The following HADHA variants were observed in gnomAD, a reference collection of about 807,000 sequenced individuals.
HADHA encodes trifunctional enzyme subunit alpha, mitochondrial.
HADHA carries 59 observed loss-of-function variants against 91.3 expected under a neutral mutation model. The observed-to-expected ratio is 0.65, with a 90% CI of 0.52 to 0.80. The LOEUF (loss-of-function observed/expected upper bound fraction) is 0.80. Ranked by LOEUF, HADHA falls within the 30% of genes least tolerant of loss-of-function variation. The pLI is 0.00. For missense variants in HADHA, 800 were observed against 927.6 expected (o/e 0.86, Z 1.79); for synonymous variants, 320 against 338.9 (o/e 0.94, Z 0.61).
At position 26,236,359 on chromosome 2, in the gene HADHA, G is replaced by GTGTGTGTATATATA. The variant is rs141555532; in HGVS notation, c.314+495_314+496insTATATATACACACA. On this transcript the variant is annotated intron_variant, in intron 4 of 19. Coordinates refer to ENST00000380649, the MANE Select transcript of HADHA (RefSeq NM_000182.5). ...ACATGATGTGTGTGTGTGTGTGTGT[G>GTGTGTGTATATATA]TATATATATATATATATACTCTGTG... is the stretch of plus-strand genomic sequence containing the variant. 3.1e-3 allele frequency among the ~76,000 whole-genome samples: 423 copies of GTGTGTGTATATATA among 137,924 alleles called. 4 individuals carry two copies. Among genetic ancestry groups the GTGTGTGTATATATA allele is most frequent in the African/African-American group, 0.011 (413 of 37,162 alleles). The allele number at this position is 137,924 out of a possible 152,430, so 90.5% of individuals were successfully genotyped here. A position where few individuals can be genotyped will look rare whatever the true frequency, so the allele number is the denominator to read the frequency against.
rs1018095652 is a variant in HADHA, at chr2:26,194,744, A to G, written c.1621-106T>C. On this transcript the variant is annotated intron_variant, in intron 15 of 19. Transcript: ENST00000380649. ...TCAAAGTCATTTGAAAGTCACTGTA[A>G]AACTTAAGGTGACTTAAAATCTCAA... is the stretch of plus-strand genomic sequence containing the variant. 2.6e-5 allele frequency: 21 copies of G among 801,322 alleles called. No homozygotes were observed. The Admixed American group carries it at 3.8e-4, about 15-fold the overall frequency. 49.6% of individuals were successfully genotyped at this position (801,322 alleles called of 1,614,324 possible).
intron 1 of HADHA, among the ~76,000 whole-genome samples, chr2:26,244,122 G>C (rs1465939098): frequency 1.3e-5 from 2 of 152,248 alleles, no homozygotes; most frequent in Non-Finnish European, 2.9e-5. Context: ...TGCGGGGTAA[G>C]GTGCTGTTTT....
intron 7 of HADHA, among the ~76,000 whole-genome samples, chr2:26,227,451 G>A (rs1670511883): frequency 6.6e-6 from 1 of 151,770 alleles, no homozygotes; most frequent in Non-Finnish European, 1.5e-5. Context: ...GGCAGAGGTT[G>A]CAGTGAGCCA....
chr2:26,193,557 G>A lies in HADHA; in HGVS notation c.1885+20C>T. 6.3e-7 allele frequency: 1 copy of A among 1,592,716 alleles called. No individual in the cohort carries two copies. The highest frequency in any genetic ancestry group is 8.6e-7 in the Non-Finnish European group (1 of 1,160,548). Reference sequence around the variant, plus strand: ...CTTTGTAACTAATGGTGCTAGTTATGTTTCCTTGAGGCTACTCACCTAGGA... The same window carrying A: ...CTTTGTAACTAATGGTGCTAGTTATATTTCCTTGAGGCTACTCACCTAGGA... On this transcript the variant is annotated intron_variant, in intron 17 of 19. Transcript: ENST00000380649.
chr2:26,237,071 A>G, intron 3 of HADHA, 83 bp from the exon 4 acceptor site: 1 of 945,660 alleles, frequency 1.1e-6, no homozygotes, highest in Non-Finnish European at 1.7e-6. Context: ...TATTTTGATT[A>G]TAAGAAATAT....
chr2:26,216,048 GAC>G (rs976360364), intron 7 of HADHA, among the ~76,000 whole-genome samples: 2 of 152,196 alleles, frequency 1.3e-5, no homozygotes, highest in Non-Finnish European at 2.9e-5. Flanking sequence ...TTGGAAGACT[GAC>G]ACAGGAGGAT....
intron 7 of HADHA, among the ~76,000 whole-genome samples, chr2:26,225,176 T>A (rs1670457496): frequency 6.6e-6 from 1 of 151,996 alleles, no homozygotes; most frequent in Non-Finnish European, 1.5e-5. Context: ...CAACTCTACA[T>A]AAAATCTTCC....
intron 7 of HADHA, among the ~76,000 whole-genome samples, chr2:26,217,980 C>T (rs1311923599): frequency 6.6e-6 from 1 of 152,042 alleles, no homozygotes; most frequent in Non-Finnish European, 1.5e-5. Flanking sequence ...TTATGCAAGC[C>T]AAACACAATG....
At chr2:26,225,965 A>G (rs1344982724) in intron 7 of HADHA, among the ~76,000 whole-genome samples, 1 of 152,188 alleles carries the variant, frequency 6.6e-6, no homozygotes, top group Non-Finnish European at 1.5e-5. Context: ...CTATTAATAA[A>G]AAAGGCTACT....
chr2:26,224,367 C>T (rs1421331546), intron 7 of HADHA, among the ~76,000 whole-genome samples: 1 of 152,214 alleles, frequency 6.6e-6, no homozygotes, highest in Non-Finnish European at 1.5e-5. Context: ...TCTCTTTCCA[C>T]ATCAGCTGAA....
intron 7 of HADHA, among the ~76,000 whole-genome samples, chr2:26,228,235 A>G (rs1670530455): frequency 6.6e-6 from 1 of 151,840 alleles, no homozygotes; most frequent in South Asian, 2.1e-4. Context: ...GGTTCAAGTG[A>G]TTCTCCTACC....
At chr2:26,243,783 C>G (rs988727274) in intron 1 of HADHA, among the ~76,000 whole-genome samples, 4 of 152,234 alleles carry the variant, frequency 2.6e-5, no homozygotes, top group African/African-American at 9.6e-5. Flanking sequence ...CCCACTTTAA[C>G]CCTTTCACTG....
rs1670182512 is a variant in HADHA at position 26,214,992 on chromosome 2, CAAATA to C, written c.799+56_799+60del. The C allele has an allele frequency of 1.4e-6, 2 of 1,431,568 alleles. No individual in the cohort carries two copies. Among genetic ancestry groups the C allele is most frequent in the African/African-American group, 2.8e-5 (2 of 71,440 alleles). 88.7% of individuals were successfully genotyped at this position (1,431,568 alleles called of 1,614,324 possible). ...CCACTTCCTCATTTTGAATCTACAG[CAAATA>C]AAATTAAATTCTCAGGAAAGAAGCT... On this transcript the variant is annotated intron_variant, in intron 8 of 19. Coordinates refer to ENST00000380649, the MANE Select transcript of HADHA (RefSeq NM_000182.5). The surrounding 1 kb of genome is among the most constrained non-coding windows in gnomAD (Gnocchi z 4.1).
chr2:26,195,313 A>T (rs751577336), intron 14 of HADHA, 81 bp from the exon 15 acceptor site: 2 of 1,190,220 alleles, frequency 1.7e-6, no homozygotes, highest in Non-Finnish European at 2.5e-6. Flanking sequence ...CTAGGAAAAC[A>T]CTAGAAAGAA....
chr2:26,200,794 G>A (rs6717143), intron 13 of HADHA, among the ~76,000 whole-genome samples: 118,643 of 151,302 alleles, frequency 0.78, 46,505 homozygotes, highest in East Asian at 0.85. Flanking sequence ...GTGCAGTGGC[G>A]TGATCTCGGC....
In HADHA at chr2:26,214,472, G is replaced by C. The variant is rs906321278; in HGVS notation, c.889C>G (p.Leu297Val). 1.9e-6 allele frequency: 3 copies of C among 1,578,126 alleles called. No homozygotes were observed. Among genetic ancestry groups the C allele is most frequent in the Non-Finnish European group, 2.6e-6 (3 of 1,148,902 alleles). ...ATTATTTTCAGAGGTGCAGGATAAA[G>C]GCCTTTAGTCTGCTTTCGCACTTTT... ...EEKVRKQTKG[L>V]YPAPLKIIDV... Residue 297 changes from leucine to valine, a missense_variant, in exon 9 of 20, where the codon CTT becomes GTT. Physicochemically the swap from Leu to Val is conservative, Grantham distance 32. Transcript: ENST00000380649. The surrounding 1 kb of genome is among the most constrained non-coding windows in gnomAD (Gnocchi z 4.1).
At chr2:26,235,905 G>A (rs1003902158) in intron 4 of HADHA, among the ~76,000 whole-genome samples, 28 of 152,250 alleles carry the variant, frequency 1.8e-4, no homozygotes, top group African/African-American at 6.7e-4. Context: ...GAAAATACTA[G>A]CTGCATCTGT....
At chr2:26,234,936 T>C (rs1670711704) in intron 4 of HADHA, among the ~76,000 whole-genome samples, 1 of 152,072 alleles carries the variant, frequency 6.6e-6, no homozygotes, top group African/African-American at 2.4e-5. Flanking sequence ...TTAACAGCAA[T>C]AAAAATGACG....
rs1024219085 is a variant in HADHA, at chr2:26,239,258, A to G, written c.68-115T>C. 5.1e-6 allele frequency: 4 copies of G among 788,632 alleles called. No individual in the cohort carries two copies. The East Asian group carries it at 9.8e-5, about 19-fold the overall frequency. 48.9% of individuals were successfully genotyped at this position (788,632 alleles called of 1,614,324 possible). ...AACAACAAAAACCCCAAATCTGTACAATGTATTCTAGGCCATATGACTACT... is the reference window on the plus strand; with the variant it reads ...AACAACAAAAACCCCAAATCTGTACGATGTATTCTAGGCCATATGACTACT... On this transcript the variant is annotated intron_variant, in intron 1 of 19. Coordinates refer to ENST00000380649, the MANE Select transcript of HADHA (RefSeq NM_000182.5).
Sources: allele counts gnomAD v4.1 joint callset (sites outside exome capture counted in the v4.1 genomes callset), GRCh38; gene constraint gnomAD v4.1.1; non-coding constraint Gnocchi (gnomAD v3.1); transcripts MANE v1.5; gene names NCBI Gene and HGNC (gene_info 2026-07-23, HGNC 2026-07-21).